The following PLEKHA5 variants were observed in gnomAD, a reference collection of about 807,000 sequenced individuals.
PLEKHA5 encodes the protein pleckstrin homology domain-containing family A member 5.
PLEKHA5 carries 55 observed loss-of-function variants against 181.9 expected under a neutral mutation model. The ratio of observed to expected loss-of-function variants is 0.30; its 90% confidence interval spans 0.24 to 0.38. The LOEUF is 0.38. Among genes scored for constraint, PLEKHA5 ranks in the 10% least tolerant of loss-of-function variants. The pLI, the probability that PLEKHA5 is intolerant of heterozygous loss-of-function variation, is 1.00. For missense variants in PLEKHA5, 1,432 were observed against 1,549.5 expected (o/e 0.92, Z 1.27); for synonymous variants, 535 against 529.4 (o/e 1.01, Z -0.15).
intron 3 of PLEKHA5, chr12:19,154,221 AC>A (rs1565875207): frequency 1.3e-5 from 2 of 151,432 alleles, no homozygotes; most frequent in African/African-American, 4.9e-5. Flanking sequence ...ATTTTTTTTC[AC>A]CCTTTTAAAA....
chr12:19,372,799 G>A (rs1032798272), intron 31 of PLEKHA5: 3 of 147,036 alleles, frequency 2.0e-5, no homozygotes, highest in Non-Finnish European at 3.0e-5. Context: ...GTTGAGACCA[G>A]GTCTCACCCT....
chr12:19,257,569 A>G (rs1355713098), intron 6 of PLEKHA5, 32 bp downstream of exon 6: 1 of 1,097,738 alleles, frequency 9.1e-7, no homozygotes, highest in South Asian at 1.3e-5. Context: ...GAAACAAAAG[A>G]CAGAATTAGA....
At chr12:19,137,100 C>G (rs1053598354) in intron 3 of PLEKHA5, among the ~76,000 whole-genome samples, 3 of 151,388 alleles carry the variant, frequency 2.0e-5, no homozygotes, top group Admixed American at 2.0e-4. Flanking sequence ...CTGGCATGAT[C>G]TCAGCTCACG....
At chr12:19,199,606 C>T (rs1333748617) in intron 3 of PLEKHA5, among the ~76,000 whole-genome samples, 1 of 152,100 alleles carries the variant, frequency 6.6e-6, no homozygotes, top group Non-Finnish European at 1.5e-5. Flanking sequence ...GCCAACCACA[C>T]TTAGAAAGTT....
At position 19,358,323 on chromosome 12, in the gene PLEKHA5, T is replaced by C; in HGVS notation, c.3234T>C (p.His1078=). The change falls in exon 27 of 32, where the codon CAT becomes CAC. Residue 1078 remains histidine (H), a synonymous_variant. Transcript: ENST00000429027. ...VEEQMERIRR[H]QQACLREKKK... ...AGCAAATGGAAAGAATAAGAAGACA[T>C]CAACAAGCGTGCCTGAGGGAGAAGA... The C allele has an allele frequency of 1.9e-6, 3 of 1,613,742 alleles. No individual in the cohort carries two copies. Among genetic ancestry groups the C allele is most frequent in the Non-Finnish European group, 2.5e-6 (3 of 1,179,730 alleles).
chr12:19,358,218 T>A lies in PLEKHA5; in HGVS notation c.3139-10T>A, dbSNP rs769324065. On this transcript the variant is annotated splice_polypyrimidine_tract_variant and intron_variant, in intron 26 of 31. Coordinates refer to ENST00000429027, the MANE Select transcript of PLEKHA5 (RefSeq NM_001256470.2). ...ATTTATGTATTGATATGTTCATTTTTACATTGAAGGAAAGACCAAGAAGTG... is the reference window on the plus strand; with the variant it reads ...ATTTATGTATTGATATGTTCATTTTAACATTGAAGGAAAGACCAAGAAGTG... The A allele has an allele frequency of 1.4e-5, 23 of 1,595,060 alleles. No individual in the cohort carries two copies. The South Asian group carries it at 2.4e-4, about 17-fold the overall frequency.
At chr12:19,367,013 G>A (rs184645883) in intron 30 of PLEKHA5, among the ~76,000 whole-genome samples, 242 of 152,094 alleles carry the variant, frequency 1.6e-3, no homozygotes, top group African/African-American at 5.6e-3. Context: ...TGCCTCCCTA[G>A]TAGCTGGGAC....
chr12:19,164,680 ATCT>A (rs1233751697), intron 3 of PLEKHA5, among the ~76,000 whole-genome samples: 1 of 152,146 alleles, frequency 6.6e-6, no homozygotes, highest in African/African-American at 2.4e-5. Flanking sequence ...CCCTTGGCTC[ATCT>A]TCTACCTTAA....
At chr12:19,200,610 C>A (rs1592041834) in intron 3 of PLEKHA5, 1 of 1,138,684 alleles carries the variant, frequency 8.8e-7, no homozygotes, top group East Asian at 4.2e-5. Context: ...CAGGCCTGAA[C>A]TTCATTAGCT....
At chr12:19,320,213 T>G (rs1194651419) in intron 17 of PLEKHA5, among the ~76,000 whole-genome samples, 157 bp downstream of exon 17, 1 of 152,132 alleles carries the variant, frequency 6.6e-6, no homozygotes, top group Non-Finnish European at 1.5e-5. Context: ...AAGTATTTGA[T>G]TTGACACAGT....
At chr12:19,269,571 A>G (rs2071903635) in intron 8 of PLEKHA5, among the ~76,000 whole-genome samples, 199 bp from the exon 9 acceptor site, 1 of 151,694 alleles carries the variant, frequency 6.6e-6, no homozygotes, top group African/African-American at 2.4e-5. Flanking sequence ...GGTAAAATTA[A>G]GGGGGAAATT....
rs552805665 is a variant in PLEKHA5, at chr12:19,166,913, G to A, written c.227+34463G>A. 3.9e-4 allele frequency among the ~76,000 whole-genome samples: 60 copies of A among 152,118 alleles called. 1 individual carries two copies. In the South Asian group the frequency reaches 0.012, roughly 30 times the overall value. On this transcript the variant is annotated intron_variant, in intron 3 of 31. Transcript: ENST00000429027. The stretch of plus-strand genomic sequence containing the variant: ...GTTATCAAATTCCAAATAAGCCATT[G>A]GTTTTAAAACTACAAAGTATTATCT...
chr12:19,202,352 G>C (rs542674803), intron 3 of PLEKHA5, among the ~76,000 whole-genome samples: 5 of 152,156 alleles, frequency 3.3e-5, no homozygotes, highest in African/African-American at 1.2e-4. Context: ...GAGACATTCC[G>C]TAAGTGCTAG....
intron 3 of PLEKHA5, among the ~76,000 whole-genome samples, chr12:19,247,907 C>G (rs148473874): frequency 1.9e-3 from 285 of 150,956 alleles, no homozygotes; most frequent in Middle Eastern, 6.8e-3. Context: ...AAAAAATTAA[C>G]TTTTAATTTA....
At chr12:19,188,243 A>G (rs1169907475) in intron 3 of PLEKHA5, among the ~76,000 whole-genome samples, 1 of 152,212 alleles carries the variant, frequency 6.6e-6, no homozygotes, top group African/African-American at 2.4e-5. Context: ...CATTAAGGAC[A>G]TAAGGACTTT....
chr12:19,318,206 G>A (rs558426248), intron 16 of PLEKHA5, among the ~76,000 whole-genome samples: 46 of 151,726 alleles, frequency 3.0e-4, no homozygotes, highest in South Asian at 1.2e-3. Context: ...TAAGGATTTG[G>A]TTAGTTGATG....
chr12:19,349,740 GAA>G (rs67664068), intron 25 of PLEKHA5, among the ~76,000 whole-genome samples: 49 of 119,658 alleles, frequency 4.1e-4, no homozygotes, highest in Non-Finnish European at 5.6e-4. Context: ...ACCAGAAACA[GAA>G]AAAAAAAAAA....
intron 30 of PLEKHA5, among the ~76,000 whole-genome samples, chr12:19,367,699 C>T (rs1398302494): frequency 6.6e-6 from 1 of 151,972 alleles, no homozygotes; most frequent in African/African-American, 2.4e-5. Context: ...TCTGCCTCAG[C>T]CTCCTGAGTA....
intron 28 of PLEKHA5, among the ~76,000 whole-genome samples, chr12:19,360,831 C>T (rs565690830): frequency 2.0e-5 from 3 of 151,918 alleles, no homozygotes; most frequent in African/African-American, 7.2e-5. Flanking sequence ...TCTTGGCTCA[C>T]TGCAACCTCT....
Sources: gnomAD v4.1 joint callset for allele counts (sites outside exome capture counted in the v4.1 genomes callset) on GRCh38, gnomAD v4.1.1 for gene constraint, MANE v1.5 for transcripts, NCBI Gene and HGNC (gene_info 2026-07-23, HGNC 2026-07-21) for gene names.